Variants in COX10 observed in about 807,000 individuals in gnomAD.
COX10 encodes cytochrome c oxidase assembly factor heme A:farnesyltransferase COX10, also known as protoheme IX farnesyltransferase, mitochondrial.
Under a neutral mutation model 37.3 loss-of-function variants are expected in COX10, and 27 were observed. The observed-to-expected ratio is 0.72, with a 90% CI of 0.53 to 1.00. The LOEUF (loss-of-function observed/expected upper bound fraction) is 1.00, where lower values mean the gene tolerates loss of function less well. COX10 is among the 50% of genes least tolerant of loss of function. The pLI is 0.00. For synonymous variants in COX10, 222 were observed against 229.1 expected (o/e 0.97, Z 0.28); for missense variants, 475 against 563.2 (o/e 0.84, Z 1.59).
chr17:14,206,515 G>A (rs561376857), intron 6 of COX10, among the ~76,000 whole-genome samples: 6 of 152,238 alleles, frequency 3.9e-5, no homozygotes, highest in South Asian at 4.1e-4. Flanking sequence ...GTCCTGCAGC[G>A]CAGGCAGCCC....
chr17:14,120,651 T>C (rs1916210486), intron 4 of COX10, among the ~76,000 whole-genome samples: 1 of 152,096 alleles, frequency 6.6e-6, no homozygotes, highest in African/African-American at 2.4e-5. Flanking sequence ...TTCCAGCAGA[T>C]GTCATGCAAA....
At chr17:14,077,340 T>A in intron 3 of COX10, 2 of 384,012 alleles carry the variant, frequency 5.2e-6, no homozygotes, top group South Asian at 2.6e-5. Flanking sequence ...GTCTTTAGTG[T>A]TTTTACACCT....
chr17:14,206,168 C>A (rs371986181), intron 6 of COX10, among the ~76,000 whole-genome samples: 1 of 152,030 alleles, frequency 6.6e-6, no homozygotes, highest in Non-Finnish European at 1.5e-5. Flanking sequence ...CAGGGTGTGA[C>A]GCACCCGCCT....
intron 4 of COX10, among the ~76,000 whole-genome samples, chr17:14,140,219 CTTTTTA>C (rs1024871455): frequency 1.3e-5 from 2 of 152,082 alleles, no homozygotes; most frequent in African/African-American, 2.4e-5. Flanking sequence ...GATTCATCTC[CTTTTTA>C]TTTTAATAAG....
At chr17:14,070,415 C>A (rs1275233224) in intron 1 of COX10, among the ~76,000 whole-genome samples, 1 of 152,146 alleles carries the variant, frequency 6.6e-6, no homozygotes, top group Non-Finnish European at 1.5e-5. Flanking sequence ...AGAATATAAA[C>A]CTTGTGATGG....
At chr17:14,152,300 A>G (rs547580111) in intron 4 of COX10, among the ~76,000 whole-genome samples, 1 of 152,292 alleles carries the variant, frequency 6.6e-6, no homozygotes, top group South Asian at 2.1e-4. Context: ...GGAAGGTGAA[A>G]GGCACATCTT....
intron 3 of COX10, among the ~76,000 whole-genome samples, chr17:14,078,753 T>C (rs547561854): frequency 6.6e-6 from 1 of 152,186 alleles, no homozygotes; most frequent in Non-Finnish European, 1.5e-5. Flanking sequence ...TCCTAACTTA[T>C]ACGAGTCTAT....
chr17:14,204,910 T>G (rs1906648646), intron 6 of COX10, among the ~76,000 whole-genome samples: 2 of 152,198 alleles, frequency 1.3e-5, no homozygotes, highest in African/African-American at 4.8e-5. Context: ...AAGGCCAGCC[T>G]GGGCAACATG....
intron 6 of COX10, among the ~76,000 whole-genome samples, chr17:14,196,066 G>T (rs569256810): frequency 2.0e-5 from 3 of 152,092 alleles, no homozygotes; most frequent in South Asian, 2.1e-4. Flanking sequence ...GGCCAAAAAG[G>T]TTTCCCGTCT....
At chr17:14,181,802 A>G (rs1905868008) in intron 5 of COX10, among the ~76,000 whole-genome samples, 1 of 152,112 alleles carries the variant, frequency 6.6e-6, no homozygotes, top group Non-Finnish European at 1.5e-5. Context: ...AGATTGGACT[A>G]CAATGCTGGA....
Position 14,074,379 on chromosome 17 carries a change from C to T in COX10, c.100C>T (p.His34Tyr), listed in dbSNP as rs1325351288. 1.2e-6 allele frequency: 2 copies of T among 1,613,910 alleles called. No individual in the cohort carries two copies. The highest frequency in any genetic ancestry group is 1.6e-4 in the Middle Eastern group (1 of 6,062). The change falls in exon 2 of 7, where the codon CAC becomes TAC. Residue 34 changes from histidine (H) to tyrosine (Y), a missense_variant. His to Tyr is a moderately conservative substitution (Grantham distance 83). Around this residue, in one of 5 missense-constraint regions of COX10, gnomAD observed 242 missense variants for 242.5 expected, o/e 1.00. Coordinates refer to ENST00000261643, the MANE Select transcript of COX10 (RefSeq NM_001303.4). ...LERRTIQDSP[H>Y]KFLHLLRNVN... ...AAGAAGAACTATACAGGACTCCCCT[C>T]ACAAGTTCTTACATCTTCTCAGGAA...
intron 4 of COX10, among the ~76,000 whole-genome samples, chr17:14,128,284 A>C (rs1195476122): frequency 6.6e-6 from 1 of 152,054 alleles, no homozygotes; most frequent in Admixed American, 6.6e-5. Flanking sequence ...CATTTTCAGC[A>C]GCAGTTTTTT....
intron 5 of COX10, among the ~76,000 whole-genome samples, chr17:14,172,245 T>C (rs1344619686): frequency 6.6e-6 from 1 of 151,354 alleles, no homozygotes; most frequent in African/African-American, 2.4e-5. Flanking sequence ...TTTTGATTAA[T>C]GTTGATTTCT....
chr17:14,129,655 T>C (rs2142218421), intron 4 of COX10, among the ~76,000 whole-genome samples: 1 of 152,350 alleles, frequency 6.6e-6, no homozygotes, highest in East Asian at 1.9e-4. Context: ...TAATTATTTT[T>C]TTCATTGTGC....
At chr17:14,117,237 T>C (rs192239681) in intron 4 of COX10, among the ~76,000 whole-genome samples, 1 of 152,312 alleles carries the variant, frequency 6.6e-6, no homozygotes, top group Admixed American at 6.5e-5. Context: ...ACTTTGCTCT[T>C]TATGTTTATT....
rs1183747703 is a variant in COX10, at chr17:14,074,258, G to A, written c.44-65G>A. ...TGGCTGGCTTTGCTTCTGGGGAGGT[G>A]TAGTCATCATTTGATAAGAAGTACG... On this transcript the variant is annotated intron_variant, in intron 1 of 6. Coordinates refer to ENST00000261643, the MANE Select transcript of COX10 (RefSeq NM_001303.4). 3 of 1,594,734 alleles carry A rather than the reference G, an allele frequency of 1.9e-6. No individual in the cohort carries two copies. The African/African-American group carries it at 4.0e-5, about 21-fold the overall frequency.
Position 14,206,801 on chromosome 17 carries a change from C to CCCG in COX10, c.929-7_929-5dup. The stretch of plus-strand genomic sequence containing the variant: ...TTTGTCTCCCTCTCCTTCCCTGACC[C>CCCG]CCGCACAGGCGCATTTCTCCTGGGA... On this transcript the variant is annotated splice_polypyrimidine_tract_variant and intron_variant, in intron 6 of 6. Coordinates refer to ENST00000261643, the MANE Select transcript of COX10 (RefSeq NM_001303.4). 1 of 1,614,110 alleles carries CCCG rather than the reference C, an allele frequency of 6.2e-7. No homozygotes were observed. The highest frequency in any genetic ancestry group is 8.5e-7 in the Non-Finnish European group (1 of 1,180,004).
intron 6 of COX10, among the ~76,000 whole-genome samples, chr17:14,194,901 G>A (rs1392890949): frequency 6.6e-6 from 1 of 152,162 alleles, no homozygotes; most frequent in African/African-American, 2.4e-5. Flanking sequence ...ACAGAACCTG[G>A]TATAAAACAG....
intron 6 of COX10, among the ~76,000 whole-genome samples, chr17:14,193,264 G>A (rs1324103407): frequency 3.9e-5 from 6 of 152,282 alleles, no homozygotes; most frequent in African/African-American, 1.4e-4. Flanking sequence ...TGCATCCTTC[G>A]CAGCTGAACT....
Sources: gnomAD v4.1 joint callset for allele counts (sites outside exome capture counted in the v4.1 genomes callset) on GRCh38, gnomAD v4.1.1 for gene constraint, gnomAD v4.1.1 regional missense constraint, MANE v1.5 for transcripts, NCBI Gene and HGNC (gene_info 2026-07-23, HGNC 2026-07-21) for gene names.